The following KCNMA1 variants were observed in gnomAD, a reference collection of about 807,000 sequenced individuals.
KCNMA1 encodes the protein Calcium-activated potassium channel subunit alpha-1.
In KCNMA1, 29 loss-of-function variants were observed where a neutral mutation model predicts 140.0. The ratio of observed to expected loss-of-function variants is 0.21; its 90% CI spans 0.15 to 0.28. KCNMA1 has a LOEUF of 0.28. KCNMA1 is among the 10% of genes least tolerant of loss of function. The pLI is 1.00. For missense variants in KCNMA1, 880 were observed against 1,602.2 expected (o/e 0.55, Z 7.70); for synonymous variants, 612 against 611.9 (o/e 1.00, Z 0.00).
intron 14 of KCNMA1, among the ~76,000 whole-genome samples, chr10:77,060,390 C>T (rs1056750517): frequency 2.6e-5 from 4 of 152,182 alleles, no homozygotes; most frequent in Non-Finnish European, 5.9e-5. Flanking sequence ...GTTCCGGTAC[C>T]TCCTTTCATC....
At chr10:77,504,768 G>T (rs2154546153) in intron 1 of KCNMA1, among the ~76,000 whole-genome samples, 1 of 152,124 alleles carries the variant, frequency 6.6e-6, no homozygotes, top group African/African-American at 2.4e-5. Flanking sequence ...CAGCCAGGAA[G>T]CTTCTTTAAA....
intron 1 of KCNMA1, among the ~76,000 whole-genome samples, chr10:77,511,906 A>C (rs2048546387): frequency 1.3e-5 from 2 of 152,310 alleles, no homozygotes; most frequent in Middle Eastern, 3.4e-3. Context: ...AGAGAAGCTA[A>C]CTTCCAGAAG....
At chr10:76,922,515 A>C (rs932748697) in intron 23 of KCNMA1, among the ~76,000 whole-genome samples, 1 of 152,090 alleles carries the variant, frequency 6.6e-6, no homozygotes, top group Non-Finnish European at 1.5e-5. Context: ...ATCAGTTTAG[A>C]GATGAGTCTG....
rs150322718 is a variant in KCNMA1 at position 77,223,538 on chromosome 10, A to G, written c.602+27657T>C. ...TCCCATGACATCCAAGATGGGATACAGTCTTGATTGGACATACAGACAGAC... is the reference window on the plus strand; with the variant it reads ...TCCCATGACATCCAAGATGGGATACGGTCTTGATTGGACATACAGACAGAC... On this transcript the variant is annotated intron_variant, in intron 3 of 27. Coordinates refer to ENST00000286628, the MANE Select transcript of KCNMA1 (RefSeq NM_001161352.2). Among the ~76,000 whole-genome samples the G allele has an allele frequency of 1.2e-3, 187 of 152,384 alleles. 1 individual carries two copies. The highest frequency in any genetic ancestry group is 4.1e-3 in the African/African-American group (171 of 41,596).
intron 1 of KCNMA1, among the ~76,000 whole-genome samples, chr10:77,607,261 G>T (rs527436143): frequency 6.6e-6 from 1 of 152,306 alleles, no homozygotes; most frequent in South Asian, 2.1e-4. Flanking sequence ...AGCCTGGCCA[G>T]TGCCAGCTGA....
At chr10:77,460,966 C>A (rs537641184) in intron 1 of KCNMA1, among the ~76,000 whole-genome samples, 4 of 152,154 alleles carry the variant, frequency 2.6e-5, no homozygotes, top group Non-Finnish European at 5.9e-5. Context: ...ATTAGCTGGG[C>A]GTGGTGGCAT....
intron 5 of KCNMA1, among the ~76,000 whole-genome samples, chr10:77,169,554 T>C (rs1177803857): frequency 6.6e-6 from 1 of 152,092 alleles, no homozygotes; most frequent in Non-Finnish European, 1.5e-5. Flanking sequence ...CATGCCGGGC[T>C]AATTTTTTAA....
intron 1 of KCNMA1, among the ~76,000 whole-genome samples, chr10:77,495,319 C>T (rs1416456976): frequency 6.6e-6 from 1 of 152,196 alleles, no homozygotes; most frequent in African/African-American, 2.4e-5. Context: ...CTGTGATGGG[C>T]CCCTTGCCGG....
chr10:77,605,673 A>C (rs1267650398), intron 1 of KCNMA1, among the ~76,000 whole-genome samples: 2 of 152,194 alleles, frequency 1.3e-5, no homozygotes, highest in African/African-American at 2.4e-5. Flanking sequence ...GGCCCAGTTG[A>C]GGGAGGTGAC....
At chr10:77,596,379 C>A (rs1005156377) in intron 1 of KCNMA1, among the ~76,000 whole-genome samples, 11 of 152,206 alleles carry the variant, frequency 7.2e-5, no homozygotes, top group Admixed American at 7.2e-4. Flanking sequence ...AAGACTCATA[C>A]ACAAGATTAT....
In KCNMA1 at chr10:77,411,105, C is replaced by T. The variant is rs192592597; in HGVS notation, c.379-7082G>A. ...GCAACCTCTGCCTCCTGGGTTCAAG[C>T]GATTCTCCTGTCTCAGCCTCCTGAG... On this transcript the variant is annotated intron_variant, in intron 1 of 27. Coordinates refer to ENST00000286628, the MANE Select transcript of KCNMA1 (RefSeq NM_001161352.2). 7.2e-5 allele frequency among the ~76,000 whole-genome samples: 11 copies of T among 152,322 alleles called. No individual in the cohort carries two copies. The East Asian group carries it at 1.2e-3, about 16-fold the overall frequency.
chr10:77,485,190 G>A (rs2098446484), intron 1 of KCNMA1, among the ~76,000 whole-genome samples: 1 of 152,190 alleles, frequency 6.6e-6, no homozygotes, highest in Admixed American at 6.5e-5. Context: ...ACTCCCACGT[G>A]TGTATTTGTA....
At position 77,411,039 on chromosome 10, in the gene KCNMA1, G is replaced by GTCA. The variant is rs2096607757; in HGVS notation, c.379-7019_379-7017dup. Among the ~76,000 whole-genome samples, 8 of 152,320 alleles carry GTCA rather than the reference G, an allele frequency of 5.3e-5. No homozygotes were observed. In the South Asian group the frequency reaches 1.7e-3, roughly 32 times the overall value. On this transcript the variant is annotated intron_variant, in intron 1 of 27. Transcript: ENST00000286628. ...TTTGTTTTAGACAGAGTCTTTCTCT[G>GTCA]TCACCCAGGCTGGAGTGCAGTGGCG...
Position 76,944,910 on chromosome 10 carries a change from A to G in KCNMA1, c.2765T>C (p.Met922Thr). The change falls in exon 23 of 28, where the codon ATG (methionine) becomes ACG (threonine). Residue 922 changes from methionine (M) to threonine (T), a missense_variant. Met to Thr is a moderately conservative substitution (Grantham distance 81). Around this residue, in one of 13 missense-constraint regions of KCNMA1, gnomAD observed 82 missense variants for 170.1 expected, o/e 0.48. Coordinates refer to ENST00000286628, the MANE Select transcript of KCNMA1 (RefSeq NM_001161352.2). ...CTGATTGGCTGACAGGATAACGCAC[A>G]TGTCACAGAGGTTGATGTTGACAGC... Reference protein sequence around the residue: ...LRAVNINLCDMCVILSANQNN... With the variant: ...LRAVNINLCDTCVILSANQNN... 6.2e-7 allele frequency: 1 copy of G among 1,614,014 alleles called. No individual in the cohort carries two copies. Among genetic ancestry groups the G allele is most frequent in the Non-Finnish European group, 8.5e-7 (1 of 1,179,962 alleles).
At chr10:77,443,861 G>A (rs2097464315) in intron 1 of KCNMA1, among the ~76,000 whole-genome samples, 1 of 152,156 alleles carries the variant, frequency 6.6e-6, no homozygotes, top group South Asian at 2.1e-4. Context: ...TCAGTAGGGT[G>A]ACTATAGTTT....
chr10:77,595,493 G>A (rs192461131), intron 1 of KCNMA1, among the ~76,000 whole-genome samples: 136 of 152,058 alleles, frequency 8.9e-4, no homozygotes, highest in African/African-American at 2.7e-3. Context: ...GTTCTGTGAC[G>A]TCTGTGTTCA....
intron 2 of KCNMA1, among the ~76,000 whole-genome samples, chr10:77,297,270 T>A (rs540946996): frequency 6.6e-6 from 1 of 152,304 alleles, no homozygotes; most frequent in African/African-American, 2.4e-5. Context: ...CCCAACATTA[T>A]GCAACTTGAA....
intron 19 of KCNMA1, among the ~76,000 whole-genome samples, chr10:76,976,455 A>G (rs1375237303): frequency 6.6e-6 from 1 of 152,228 alleles, no homozygotes; most frequent in African/African-American, 2.4e-5. Flanking sequence ...CTATATAAAT[A>G]TATGAACAGA....
At chr10:77,337,455 C>A (rs59568173) in intron 2 of KCNMA1, among the ~76,000 whole-genome samples, 6,878 of 152,192 alleles carry the variant, frequency 0.045, 161 homozygotes, top group Middle Eastern at 0.082. Flanking sequence ...CCCTTCTCTA[C>A]TAAAAAATAC....
Sources: allele counts gnomAD v4.1 joint callset (sites outside exome capture counted in the v4.1 genomes callset), GRCh38; gene constraint gnomAD v4.1.1; regional missense constraint gnomAD v4.1.1; transcripts MANE v1.5; gene names NCBI Gene and HGNC (gene_info 2026-07-23, HGNC 2026-07-21).